KSR2: variants seen among roughly 807,000 people sequenced by gnomAD.
The protein encoded by KSR2 is kinase suppressor of ras 2.
Under a neutral mutation model 107.8 loss-of-function variants are expected in KSR2, and 25 were observed. The observed-to-expected ratio is 0.23, with a 90% CI of 0.17 to 0.32. The LOEUF is 0.32. KSR2 is among the 10% of genes least tolerant of loss of function. The pLI is 1.00. For missense variants in KSR2, 887 were observed against 1,268.9 expected (o/e 0.70, Z 4.57); for synonymous variants, 480 against 507.0 (o/e 0.95, Z 0.71).
chr12:117,858,179 C>A (rs890684959), intron 2 of KSR2, among the ~76,000 whole-genome samples: 1 of 152,172 alleles, frequency 6.6e-6, no homozygotes, highest in Non-Finnish European at 1.5e-5. Flanking sequence ...AACATGTCTG[C>A]ATATCAGAAC....
chr12:117,506,933 G>T (rs1873724543), intron 14 of KSR2, among the ~76,000 whole-genome samples: 1 of 152,042 alleles, frequency 6.6e-6, no homozygotes, highest in Admixed American at 6.6e-5. Context: ...GATCTTTTGG[G>T]GTTGAGGGTG....
intron 3 of KSR2, among the ~76,000 whole-genome samples, chr12:117,848,352 G>A (rs777297116): frequency 1.6e-4 from 25 of 152,210 alleles, no homozygotes; most frequent in Non-Finnish European, 3.2e-4. Flanking sequence ...TCCCAGTTTT[G>A]GAATGGAGTG....
intron 1 of KSR2, among the ~76,000 whole-genome samples, chr12:117,955,323 C>T (rs907361038): frequency 6.6e-6 from 1 of 151,868 alleles, no homozygotes; most frequent in Admixed American, 6.6e-5. Flanking sequence ...ATGCTATCTC[C>T]CTATGTTGCT....
intron 5 of KSR2, among the ~76,000 whole-genome samples, chr12:117,604,826 A>AC (rs1881141448): frequency 6.6e-6 from 1 of 152,160 alleles, no homozygotes; most frequent in Admixed American, 6.5e-5. Context: ...GAAACTATGC[A>AC]CCCATCTGAC....
At chr12:117,760,943 G>A in intron 4 of KSR2, 68 bp downstream of exon 4, 1 of 1,593,752 alleles carries the variant, frequency 6.3e-7, no homozygotes, top group South Asian at 1.1e-5. Flanking sequence ...GGCAGTTCCT[G>A]GGACCAAGGG....
chr12:117,573,486 G>A (rs918030146), intron 7 of KSR2, among the ~76,000 whole-genome samples: 22 of 150,094 alleles, frequency 1.5e-4, no homozygotes, highest in Admixed American at 3.3e-4. Flanking sequence ...AAATATAGGC[G>A]TGTCTGACCG....
rs1477301628 is a variant in KSR2 at position 117,465,017 on chromosome 12, C to T, written c.*2182G>A. 1 of 152,244 alleles carries T rather than the reference C, an allele frequency of 6.6e-6. No individual in the cohort carries two copies. Among genetic ancestry groups the T allele is most frequent in the African/African-American group, 2.4e-5 (1 of 41,458 alleles). The allele number at this position is 152,244 out of a possible 1,614,324, so 9.4% of individuals were successfully genotyped here. ...CATTTCAGCTGCAGGGTAGTAGACC[C>T]TGGCTGCCTCTTCCCTTCCTCATAT... On this transcript the variant is annotated 3_prime_UTR_variant, in exon 20 of 20. Transcript: ENST00000339824.
At chr12:117,498,385 C>T (rs1873171567) in intron 14 of KSR2, among the ~76,000 whole-genome samples, 1 of 152,082 alleles carries the variant, frequency 6.6e-6, no homozygotes, top group Non-Finnish European at 1.5e-5. Flanking sequence ...CAGCTGCTAC[C>T]CAGAGACAAG....
chr12:117,923,386 T>C (rs1237927059), intron 1 of KSR2, among the ~76,000 whole-genome samples: 1 of 152,182 alleles, frequency 6.6e-6, no homozygotes, highest in Non-Finnish European at 1.5e-5. Flanking sequence ...GAAAACTTTA[T>C]AGAATATAAC....
intron 3 of KSR2, among the ~76,000 whole-genome samples, chr12:117,767,326 G>A (rs575797439): frequency 7.3e-5 from 11 of 151,122 alleles, no homozygotes; most frequent in South Asian, 6.3e-4. Flanking sequence ...TCGGGAGGAT[G>A]AGCTGGAGGC....
chr12:117,841,807 T>C (rs1892491575), intron 3 of KSR2, among the ~76,000 whole-genome samples: 1 of 152,220 alleles, frequency 6.6e-6, no homozygotes, highest in Admixed American at 6.5e-5. Context: ...GCTCTACCTT[T>C]CTGAGCCTCA....
intron 6 of KSR2, 22 bp downstream of exon 6, chr12:117,582,268 T>A: frequency 6.2e-7 from 1 of 1,608,104 alleles, no homozygotes. Context: ...TAGGCACCAG[T>A]GCACACAGGA....
chr12:117,762,040 A>C (rs1889054765), intron 3 of KSR2, among the ~76,000 whole-genome samples: 1 of 152,112 alleles, frequency 6.6e-6, no homozygotes, highest in Non-Finnish European at 1.5e-5. Context: ...AGACAATAAA[A>C]TCCCCTTGTT....
At chr12:117,567,223 C>T (rs1168081517) in intron 7 of KSR2, among the ~76,000 whole-genome samples, 5 of 152,084 alleles carry the variant, frequency 3.3e-5, no homozygotes, top group Admixed American at 1.3e-4. Context: ...GGGAAGGCTT[C>T]CCGGAGGGAA....
intron 1 of KSR2, among the ~76,000 whole-genome samples, chr12:117,921,339 T>A (rs1317627217): frequency 2.0e-5 from 3 of 152,204 alleles, no homozygotes; most frequent in Non-Finnish European, 4.4e-5. Context: ...GTGATAAATG[T>A]TCAGTAAATA....
rs773498623 is a variant in KSR2 at position 117,761,127 on chromosome 12, G to A, written c.870C>T (p.Thr290=). The change falls in exon 4 of 20, where the codon ACC becomes ACT. Residue 290 remains threonine, a synonymous_variant. Transcript: ENST00000339824. ...TCAGTTTTCGGGAGGAGGGCGGTGG[G>A]GTCCCCGGGGGCTTCAGCTTGTTCT... ...RKKNKLKPPG[T]PPPSSRKLIH... 1.2e-6 allele frequency: 2 copies of A among 1,612,682 alleles called. No individual in the cohort carries two copies. The highest frequency in any genetic ancestry group is 1.7e-6 in the Non-Finnish European group (2 of 1,179,186).
intron 1 of KSR2, among the ~76,000 whole-genome samples, chr12:117,929,244 C>T (rs999514893): frequency 1.3e-5 from 2 of 152,212 alleles, no homozygotes; most frequent in African/African-American, 4.8e-5. Flanking sequence ...GCTGTGTCCC[C>T]ACCCAAATTT....
intron 1 of KSR2, among the ~76,000 whole-genome samples, chr12:117,919,190 C>T (rs1895272416): frequency 6.6e-6 from 1 of 152,166 alleles, no homozygotes; most frequent in Non-Finnish European, 1.5e-5. Flanking sequence ...TCAAACCAGG[C>T]ATGTTCTTGC....
At chr12:117,746,211 A>G (rs1888398594) in intron 4 of KSR2, among the ~76,000 whole-genome samples, 1 of 152,230 alleles carries the variant, frequency 6.6e-6, no homozygotes, top group South Asian at 2.1e-4. Context: ...CCAAAACAGC[A>G]TGGTACTGGT....
Sources: gnomAD v4.1 joint callset for allele counts (sites outside exome capture counted in the v4.1 genomes callset) on GRCh38, gnomAD v4.1.1 for gene constraint, MANE v1.5 for transcripts, NCBI Gene and HGNC (gene_info 2026-07-23, HGNC 2026-07-21) for gene names.